Variants in GAS7 observed in about 807,000 individuals in gnomAD.
GAS7 encodes growth arrest specific 7.
In GAS7, 28 loss-of-function variants were observed where a neutral mutation model predicts 71.1. The ratio of observed to expected loss-of-function variants is 0.39; its 90% CI spans 0.29 to 0.54. The LOEUF is 0.54. Among genes scored for constraint, GAS7 ranks in the 20% least tolerant of loss-of-function variants. The probability of loss-of-function intolerance (pLI) is 0.62; values close to 1 mark genes in which losing one functional copy is unlikely to be tolerated. For missense variants in GAS7, 436 were observed against 627.8 expected, an observed-to-expected ratio of 0.69 and a Z score of 3.27; for synonymous variants, 258 against 245.8, an observed-to-expected ratio of 1.05 and a Z score of -0.46.
intron 2 of GAS7, among the ~76,000 whole-genome samples, chr17:10,015,382 G>A (rs541566633): frequency 1.2e-4 from 18 of 152,244 alleles, no homozygotes; most frequent in Middle Eastern, 3.4e-3. Context: ...GCTTAGAACC[G>A]GGACTGCACT....
rs776629494 is a variant in GAS7, at chr17:10,103,835, C to CAA, written c.184-83940_184-83939dup. Reference sequence around the variant, plus strand: ...AGCAAGACTGCATCTCAAAAAATCTCAAAAAAAAAAAAAAAGAAGCAAACC... The same window carrying CAA: ...AGCAAGACTGCATCTCAAAAAATCTCAAAAAAAAAAAAAAAAAGAAGCAAACC... On this transcript the variant is annotated intron_variant, in intron 1 of 13. Coordinates refer to ENST00000432992, the MANE Select transcript of GAS7 (RefSeq NM_201433.2). This position sits in a 1 kb window ranked among gnomAD's most constrained non-coding sequence, Gnocchi z 5.5. 2.3e-3 allele frequency among the ~76,000 whole-genome samples: 275 copies of CAA among 122,170 alleles called. 2 individuals carry two copies. The highest frequency in any genetic ancestry group is 7.5e-3 in the African/African-American group (250 of 33,190). 80.1% of individuals were successfully genotyped at this position (122,170 alleles called of 152,430 possible).
intron 1 of GAS7, among the ~76,000 whole-genome samples, chr17:10,154,503 CAAGAAAA>C (rs1171697775): frequency 6.8e-6 from 1 of 147,814 alleles, no homozygotes; most frequent in Admixed American, 6.8e-5. Context: ...GGCCTTGTCT[CAAGAAAA>C]ACAAAAAAAA....
rs1290281094 is a variant in GAS7 at position 10,034,543 on chromosome 17, A to G, written c.184-14646T>C. On this transcript the variant is annotated intron_variant, in intron 1 of 13. Coordinates refer to ENST00000432992, the MANE Select transcript of GAS7 (RefSeq NM_201433.2). This position sits in a 1 kb window ranked among gnomAD's most constrained non-coding sequence, Gnocchi z 4.4. ...AGGCTGGCCTTGAACTCCTGACCTC[A>G]GGTGATCTGCCCACCTCGGCCTCCC... Among the ~76,000 whole-genome samples, 1 of 152,174 alleles carries G rather than the reference A, an allele frequency of 6.6e-6. No individual in the cohort carries two copies. Among genetic ancestry groups the G allele is most frequent in the East Asian group, 1.9e-4 (1 of 5,190 alleles).
chr17:10,016,376 C>A (rs1354970224), intron 2 of GAS7, among the ~76,000 whole-genome samples: 1 of 129,862 alleles, frequency 7.7e-6, no homozygotes, highest in Non-Finnish European at 1.6e-5. Context: ...AAGAGCGAGA[C>A]TCCGTCTCAA....
intron 1 of GAS7, among the ~76,000 whole-genome samples, chr17:10,164,848 G>GAAAAAAAAAAA (rs755151597): frequency 9.4e-6 from 1 of 106,072 alleles, no homozygotes; most frequent in Non-Finnish European, 1.9e-5. Flanking sequence ...ATGAAAAAAG[G>GAAAAAAAAAAA]AAAAAAAAAA....
intron 1 of GAS7, among the ~76,000 whole-genome samples, chr17:10,127,476 C>T (rs1402844042): frequency 5.9e-5 from 9 of 152,270 alleles, no homozygotes; most frequent in East Asian, 5.8e-4. Flanking sequence ...CTGTGGGGAA[C>T]GCTCCATTTT....
chr17:10,151,184 T>G (rs898193547), intron 1 of GAS7, among the ~76,000 whole-genome samples: 4 of 152,090 alleles, frequency 2.6e-5, no homozygotes, highest in Non-Finnish European at 5.9e-5. Context: ...GGTTATTTTT[T>G]TTTAGAGATG....
intron 4 of GAS7, among the ~76,000 whole-genome samples, chr17:9,962,239 T>TACACACACACACACACACACAC (rs58521200): frequency 2.7e-4 from 40 of 148,734 alleles, no homozygotes; most frequent in Middle Eastern, 7.0e-3. Flanking sequence ...GTGCATTTTA[T>TACACACACACACACACACACAC]ACACACACAC....
intron 1 of GAS7, among the ~76,000 whole-genome samples, chr17:10,158,809 C>A (rs1052456784): frequency 7.9e-5 from 12 of 151,678 alleles, no homozygotes; most frequent in Non-Finnish European, 1.3e-4. Flanking sequence ...AATCTCAGCA[C>A]CTTGGGAGGC....
At chr17:10,184,360 A>C (rs948531666) in intron 1 of GAS7, among the ~76,000 whole-genome samples, 17 of 152,244 alleles carry the variant, frequency 1.1e-4, no homozygotes, top group Non-Finnish European at 2.1e-4. Flanking sequence ...CAGCCACCAT[A>C]TCTCTGTCCT....
chr17:10,014,013 C>T (rs1244759658), intron 2 of GAS7, among the ~76,000 whole-genome samples: 2 of 152,286 alleles, frequency 1.3e-5, no homozygotes, highest in South Asian at 4.1e-4. Context: ...CCACATGGCT[C>T]ACCAAGTTCC....
Position 10,026,060 on chromosome 17 carries a change from A to T in GAS7, c.184-6163T>A. 2 of 546,106 alleles carry T rather than the reference A, an allele frequency of 3.7e-6. No individual in the cohort carries two copies. Among genetic ancestry groups the T allele is most frequent in the Non-Finnish European group, 4.7e-6 (2 of 428,704 alleles). 33.8% of individuals were successfully genotyped at this position (546,106 alleles called of 1,614,324 possible). ...TACTCCGCTCCCTACCGCTCCCACCATGCTTCAAGCTCAAGTTCAACCCGG... is the reference window on the plus strand; with the variant it reads ...TACTCCGCTCCCTACCGCTCCCACCTTGCTTCAAGCTCAAGTTCAACCCGG... On this transcript the variant is annotated intron_variant, in intron 1 of 13. Transcript: ENST00000432992. This position sits in a 1 kb window ranked among gnomAD's most constrained non-coding sequence, Gnocchi z 4.5.
intron 1 of GAS7, among the ~76,000 whole-genome samples, chr17:10,147,382 C>A (rs1174286666): frequency 6.6e-6 from 1 of 152,108 alleles, no homozygotes; most frequent in Non-Finnish European, 1.5e-5. Flanking sequence ...AAGTATAATA[C>A]ACAACTGCCT....
At position 9,919,971 on chromosome 17, in the gene GAS7, G is replaced by T. The variant is rs924186481; in HGVS notation, c.1139-266C>A. 1.6e-4 allele frequency among the ~76,000 whole-genome samples: 9 copies of T among 55,264 alleles called. No homozygotes were observed. The highest frequency in any genetic ancestry group is 3.3e-4 in the Admixed American group (2 of 6,152). 36.3% of individuals were successfully genotyped at this position (55,264 alleles called of 152,430 possible). A position where few individuals can be genotyped will look rare whatever the true frequency, so the allele number is the denominator to read the frequency against. On this transcript the variant is annotated intron_variant, in intron 11 of 13. Transcript: ENST00000432992. This position sits in a 1 kb window ranked among gnomAD's most constrained non-coding sequence, Gnocchi z 5.0. ...GATTCAGGATGGTGGTTCTCATTTTGTGTGTGTGTGTGTGTGTGTGTGTGT... is the reference window on the plus strand; with the variant it reads ...GATTCAGGATGGTGGTTCTCATTTTTTGTGTGTGTGTGTGTGTGTGTGTGT...
At chr17:10,152,789 G>A (rs1320424437) in intron 1 of GAS7, among the ~76,000 whole-genome samples, 1 of 152,194 alleles carries the variant, frequency 6.6e-6, no homozygotes, top group Non-Finnish European at 1.5e-5. Flanking sequence ...GAGAGCTGAA[G>A]ATGAGCAAGA....
At position 9,911,292 on chromosome 17, in the gene GAS7, C is replaced by G; in HGVS notation, c.*5936G>C. ...CTTCAGGTTATGGGACAAAGGAGGC[C>G]GCAGAGCAGGGCCAGTCCTGTGCTC... On this transcript the variant is annotated 3_prime_UTR_variant, in exon 14 of 14. Coordinates refer to ENST00000432992, the MANE Select transcript of GAS7 (RefSeq NM_201433.2). The surrounding 1 kb of genome is among the most constrained non-coding windows in gnomAD (Gnocchi z 4.0). The G allele has an allele frequency of 4.3e-6, 1 of 233,410 alleles. No individual in the cohort carries two copies. The highest frequency in any genetic ancestry group is 8.5e-6 in the Non-Finnish European group (1 of 118,146). 14.5% of individuals were successfully genotyped at this position (233,410 alleles called of 1,614,324 possible).
At chr17:9,997,304 T>C (rs1309396557) in intron 2 of GAS7, among the ~76,000 whole-genome samples, 3 of 152,154 alleles carry the variant, frequency 2.0e-5, no homozygotes, top group Non-Finnish European at 4.4e-5. Flanking sequence ...TATTACCATC[T>C]TTTATTGGTA....
chr17:10,108,637 G>A (rs926453029), intron 1 of GAS7, among the ~76,000 whole-genome samples: 6 of 152,086 alleles, frequency 3.9e-5, no homozygotes, highest in Non-Finnish European at 8.8e-5. Context: ...AAACAGGCAC[G>A]TAGACCAATG....
chr17:10,153,239 C>G (rs1249756770), intron 1 of GAS7, among the ~76,000 whole-genome samples: 2 of 52,760 alleles, frequency 3.8e-5, no homozygotes, highest in Non-Finnish European at 7.1e-5. Context: ...TGGTGGCTCA[C>G]GCCTGTAATC....
Sources: gnomAD v4.1 joint callset for allele counts (sites outside exome capture counted in the v4.1 genomes callset) on GRCh38, gnomAD v4.1.1 for gene constraint, Gnocchi (gnomAD v3.1) non-coding constraint, MANE v1.5 for transcripts, NCBI Gene and HGNC (gene_info 2026-07-23, HGNC 2026-07-21) for gene names.